Variants in CIMAP1D observed in about 807,000 individuals in gnomAD.
CIMAP1D encodes the protein protein CIMAP1D.
chr19:476,016 T>TTTTTTTA, the CIMAP1D span, among the ~76,000 whole-genome samples: 1 of 123,048 alleles, frequency 8.1e-6, no homozygotes, highest in Non-Finnish European at 1.6e-5. Flanking sequence ...TTTTTTTTTT[T>TTTTTTTA]GAGACAGAGT....
chr19:479,566 G>A, the CIMAP1D span, among the ~76,000 whole-genome samples: 2 of 151,748 alleles, frequency 1.3e-5, no homozygotes, highest in African/African-American at 2.4e-5. Flanking sequence ...AACCACGCCC[G>A]GCTAATTTTT....
chr19:471,201 T>G, the CIMAP1D span, among the ~76,000 whole-genome samples: 1 of 152,324 alleles, frequency 6.6e-6, no homozygotes, highest in South Asian at 2.1e-4. Flanking sequence ...CAGGCTGGAG[T>G]GCAATGGCAT....
At chr19:480,767 T>G in the CIMAP1D span, among the ~76,000 whole-genome samples, 1 of 128,662 alleles carries the variant, frequency 7.8e-6, no homozygotes, top group African/African-American at 3.2e-5. Context: ...AGAACGATGA[T>G]GGAAAACGAT....
the CIMAP1D span, among the ~76,000 whole-genome samples, chr19:488,142 C>T: frequency 6.6e-6 from 1 of 152,034 alleles, no homozygotes; most frequent in African/African-American, 2.4e-5. Context: ...CCGATGGCCC[C>T]GGCCGAATAA....
At chr19:475,133 G>A in the CIMAP1D span, 1 of 196,472 alleles carries the variant, frequency 5.1e-6, no homozygotes. Context: ...CAGCAGGAGG[G>A]CCTGGCGGGG....
the CIMAP1D span, among the ~76,000 whole-genome samples, chr19:485,253 G>A: frequency 6.6e-6 from 1 of 152,210 alleles, no homozygotes; most frequent in African/African-American, 2.4e-5. Context: ...TGCGCACGAT[G>A]AGGCACACAC....
chr19:489,642 G>A, the CIMAP1D span: 1 of 178,306 alleles, frequency 5.6e-6, no homozygotes, highest in East Asian at 1.5e-4. Context: ...GGGTGACCGT[G>A]CAGGCCAGGA....
At chr19:490,334 C>G in the CIMAP1D span, 1 of 230,872 alleles carries the variant, frequency 4.3e-6, no homozygotes, top group Non-Finnish European at 8.3e-6. Flanking sequence ...CCAGCCTGGG[C>G]GACAAGAGTG....
the CIMAP1D span, chr19:464,460 A>G: frequency 1.3e-6 from 1 of 741,166 alleles, no homozygotes; most frequent in East Asian, 2.7e-5. Context: ...TGGAGCTTAC[A>G]ACGCTTCTCA....
chr19:465,005 AGG>A, the CIMAP1D span, among the ~76,000 whole-genome samples: 2 of 3,414 alleles, frequency 5.9e-4, no homozygotes, highest in African/African-American at 1.2e-3. Context: ...AATGGGTGGG[AGG>A]GTGGGCGGAT....
chr19:490,413 C>T, the CIMAP1D span: 1 of 141,610 alleles, frequency 7.1e-6, no homozygotes, highest in African/African-American at 2.7e-5. Context: ...TTATTTAATC[C>T]ACTGTGTCCA....
At chr19:465,856 ATGGATGGGTGGG>A in the CIMAP1D span, among the ~76,000 whole-genome samples, 4 of 71,214 alleles carry the variant, frequency 5.6e-5, no homozygotes, top group Non-Finnish European at 1.1e-4. Context: ...GGATAGATGG[ATGGATGGGTGGG>A]TGGATGGGTG....
At chr19:472,377 C>T in the CIMAP1D span, 1 of 1,418,010 alleles carries the variant, frequency 7.1e-7, no homozygotes, top group African/African-American at 1.5e-5. Flanking sequence ...CTCCAGCCGC[C>T]CACTCGCCCG....
the CIMAP1D span, among the ~76,000 whole-genome samples, chr19:485,392 C>G: frequency 6.6e-6 from 1 of 152,262 alleles, no homozygotes; most frequent in Non-Finnish European, 1.5e-5. Flanking sequence ...CAGTGAGTGC[C>G]TGCTGAGCCA....
chr19:471,527 C>T, the CIMAP1D span, among the ~76,000 whole-genome samples: 4 of 151,808 alleles, frequency 2.6e-5, no homozygotes, highest in Non-Finnish European at 2.9e-5. Flanking sequence ...ACTGCAGCCC[C>T]GACCTCCTGG....
the CIMAP1D span, among the ~76,000 whole-genome samples, chr19:466,174 T>G: frequency 2.0e-5 from 2 of 101,502 alleles, no homozygotes; most frequent in Admixed American, 1.2e-4. Flanking sequence ...GTTAGGTAGA[T>G]GGTAGATGGA....
chr19:470,294 C>T, the CIMAP1D span, among the ~76,000 whole-genome samples: 1 of 151,906 alleles, frequency 6.6e-6, no homozygotes, highest in Non-Finnish European at 1.5e-5. Context: ...GCAAGCTCCG[C>T]CTCCCGGGTT....
the CIMAP1D span, among the ~76,000 whole-genome samples, chr19:480,672 G>GGATGATGGGGAAGGATGATGGGGAAC: frequency 1.0e-4 from 8 of 76,870 alleles, no homozygotes; most frequent in Admixed American, 1.2e-4. Context: ...TGATGGAGAA[G>GGATGATGGGGAAGGATGATGGGGAAC]GATGATGGAG....
the CIMAP1D span, among the ~76,000 whole-genome samples, chr19:478,885 T>C: frequency 1.3e-5 from 2 of 152,212 alleles, no homozygotes; most frequent in Non-Finnish European, 2.9e-5. Context: ...CCAGTGTTTA[T>C]TTGGGGCCAG....
Sources: allele counts gnomAD v4.1 joint callset (sites outside exome capture counted in the v4.1 genomes callset), GRCh38; gene constraint gnomAD v4.1.1; transcripts MANE v1.5; gene names NCBI Gene and HGNC (gene_info 2026-07-23, HGNC 2026-07-21).